GPR179: variants seen among roughly 807,000 people sequenced by gnomAD.
GPR179 encodes G protein-coupled receptor 179, also known as probable G protein-coupled receptor 179.
GPR179 carries 52 observed loss-of-function variants against 70.8 expected under a neutral mutation model. The observed-to-expected ratio is 0.73, with a 90% CI of 0.59 to 0.93. GPR179 has a LOEUF of 0.93. GPR179 is among the 40% of genes least tolerant of loss of function. The pLI is 0.00. For missense variants in GPR179, 2,734 were observed against 2,966.8 expected (o/e 0.92, Z 1.82); for synonymous variants, 1,123 against 1,169.0 (o/e 0.96, Z 0.80).
rs1242414871 is a variant in GPR179, at chr17:38,327,162, C to T, written c.6407G>A (p.Gly2136Asp). The T allele has an allele frequency of 5.0e-6, 8 of 1,614,262 alleles. No homozygotes were observed. Among genetic ancestry groups the T allele is most frequent in the South Asian group, 1.1e-5 (1 of 91,088 alleles). Residue 2136 changes from glycine (G) to aspartate (D), a missense_variant, in exon 11 of 11, where the codon GGT becomes GAT. Coordinates refer to ENST00000616987, the MANE Select transcript of GPR179 (RefSeq NM_001004334.4). The part of the protein sequence containing the change: ...KKAEICPWEA[G>D]GGAAEEGEQE... ...TTCCCCTTCCTCTGCTGCTCCTCCA[C>T]CCGCCTCCCAAGGGCAGATCTCTGC... is the stretch of plus-strand genomic sequence containing the variant.
Position 38,327,194 on chromosome 17 carries a change from G to T in GPR179, c.6375C>A (p.Ala2125=). The part of the protein sequence containing the change: ...CLWEVVEAPS[A]KKAEICPWEA... Reference sequence around the variant, plus strand: ...CCCAAGGGCAGATCTCTGCTTTCTTGGCAGAGGGAGCCTCTACCACTTCCC... The same window carrying T: ...CCCAAGGGCAGATCTCTGCTTTCTTTGCAGAGGGAGCCTCTACCACTTCCC... The change falls in exon 11 of 11, where the codon GCC becomes GCA. Residue 2125 remains alanine (A), a synonymous_variant. Transcript: ENST00000616987. The T allele has an allele frequency of 4.3e-6, 7 of 1,614,156 alleles. No individual in the cohort carries two copies. The highest frequency in any genetic ancestry group is 5.9e-6 in the Non-Finnish European group (7 of 1,180,032).
chr17:38,329,496 A>G lies in GPR179; in HGVS notation c.4073T>C (p.Val1358Ala), dbSNP rs752363198. The G allele has an allele frequency of 1.2e-6, 2 of 1,613,362 alleles. No individual in the cohort carries two copies. The highest frequency in any genetic ancestry group is 1.3e-5 in the African/African-American group (1 of 74,712). ...AGCAGCTTCCCACCCAGGCTTCTCC[A>G]CCTTCCTGGCCTCCACACTGTCCCC... Reference protein sequence around the residue: ...EAGDSVEARKVEKPGWEAAGP... With the variant: ...EAGDSVEARKAEKPGWEAAGP... The change falls in exon 11 of 11, where the codon GTG becomes GCG. Residue 1358 changes from valine to alanine, a missense_variant. By Grantham distance (64) the Val-to-Ala change is moderately conservative (BLOSUM62 0). Coordinates refer to ENST00000616987, the MANE Select transcript of GPR179 (RefSeq NM_001004334.4).
rs189103061 is a variant in GPR179, at chr17:38,331,311, C to T, written c.2258G>A (p.Arg753Gln). 29 of 1,603,384 alleles carry T rather than the reference C, an allele frequency of 1.8e-5. No homozygotes were observed. The highest frequency in any genetic ancestry group is 4.5e-5 in the East Asian group (2 of 44,510). ...TTCCTGGAGGCTGGAGCTGAGGAGC[C>T]GGCGGCGGGAGGAGCCGGGCAGGCT... Reference protein sequence around the residue: ...HGSLPGSSRRRLLSSSLQEPE... With the variant: ...HGSLPGSSRRQLLSSSLQEPE... Residue 753 changes from arginine (R) to glutamine (Q), a missense_variant, in exon 11 of 11, where the codon CGG (arginine) becomes CAG (glutamine). Physicochemically the swap from Arg to Gln is conservative, Grantham distance 43 (BLOSUM62 1). Coordinates refer to ENST00000616987, the MANE Select transcript of GPR179 (RefSeq NM_001004334.4).
In GPR179 at chr17:38,343,074, C is replaced by T; in HGVS notation, c.716G>A (p.Gly239Glu). The change falls in exon 1 of 11, where the codon GGA becomes GAA. Residue 239 changes from glycine (G) to glutamate (E), a missense_variant. Transcript: ENST00000616987. The surrounding 1 kb of genome is among the most constrained non-coding windows in gnomAD (Gnocchi z 4.2). Reference sequence around the variant, plus strand: ...GATCAGCCATCCAGGTCGGAGCCGTCCCTCCTGGCATTCCAGGAAAGGAGG... The same window carrying T: ...GATCAGCCATCCAGGTCGGAGCCGTTCCTCCTGGCATTCCAGGAAAGGAGG... ...LSPPFLECQE[G>E]RLRPGWLITL... 6.2e-7 allele frequency: 1 copy of T among 1,614,184 alleles called. No homozygotes were observed. Among genetic ancestry groups the T allele is most frequent in the Non-Finnish European group, 8.5e-7 (1 of 1,180,002 alleles).
intron 1 of GPR179, among the ~76,000 whole-genome samples, chr17:38,342,256 C>T (rs898021814): frequency 1.3e-5 from 2 of 152,128 alleles, no homozygotes; most frequent in Non-Finnish European, 2.9e-5. Context: ...CTGTCATCCA[C>T]ACCAAGACCT....
rs895771748 is a variant in GPR179, at chr17:38,334,553, G to A, written c.1784+151C>T. On this transcript the variant is annotated intron_variant, in intron 8 of 10. Transcript: ENST00000616987. The surrounding 1 kb of genome is among the most constrained non-coding windows in gnomAD (Gnocchi z 4.7). ...GGAGTACAGAAGGGGCATCTGGGGG[G>A]TAGGGAGAGAGCCAGAAGTGGGGGC... 13 of 727,144 alleles carry A rather than the reference G, an allele frequency of 1.8e-5. No homozygotes were observed. The highest frequency in any genetic ancestry group is 3.8e-4 in the Middle Eastern group (1 of 2,650). 45.0% of individuals were successfully genotyped at this position (727,144 alleles called of 1,614,324 possible). A position where few individuals can be genotyped will look rare whatever the true frequency, so the allele number is the denominator to read the frequency against.
chr17:38,330,669 G>A lies in GPR179; in HGVS notation c.2900C>T (p.Ala967Val). The A allele has an allele frequency of 6.2e-7, 1 of 1,600,590 alleles. No homozygotes were observed. Among genetic ancestry groups the A allele is most frequent in the South Asian group, 1.1e-5 (1 of 89,194 alleles). Residue 967 changes from alanine to valine, a missense_variant, in exon 11 of 11, where the codon GCT becomes GTT. Ala to Val is a moderately conservative substitution (Grantham distance 64). Transcript: ENST00000616987. ...GGCAGGGGCTGGGGTTGGAGCTAGA[G>A]CTGGCAGCAGAGCTGGAGCCAAGGT... ...TSTLAPALLPALAPTPAPALA... is the reference protein window; with the variant it reads ...TSTLAPALLPVLAPTPAPALA...
chr17:38,327,431 G>C lies in GPR179; in HGVS notation c.6138C>G (p.Gly2046=), dbSNP rs1597661273. The C allele has an allele frequency of 3.1e-6, 5 of 1,614,060 alleles. No homozygotes were observed. Among genetic ancestry groups the C allele is most frequent in the Non-Finnish European group, 4.2e-6 (5 of 1,180,036 alleles). Residue 2046 remains glycine, a synonymous_variant, in exon 11 of 11, where the codon GGC becomes GGG. Transcript: ENST00000616987. ...TTGGCTCTGATTTTTCTGGGGCTCTGCCTTTCTCTTCTTGAGAGTCCCCTT... is the reference window on the plus strand; with the variant it reads ...TTGGCTCTGATTTTTCTGGGGCTCTCCCTTTCTCTTCTTGAGAGTCCCCTT... ...DGKGDSQEEK[G]RAPEKSEPKG...
Position 38,330,423 on chromosome 17 carries a change from G to C in GPR179, c.3146C>G (p.Ala1049Gly). 6.3e-7 allele frequency: 1 copy of C among 1,597,668 alleles called. No homozygotes were observed. Among genetic ancestry groups the C allele is most frequent in the Non-Finnish European group, 8.5e-7 (1 of 1,170,048 alleles). ...KSRAGENEMD[A>G]EDAHHQREAN... The stretch of plus-strand genomic sequence containing the variant: ...TTCCCTCTGGTGATGTGCATCCTCT[G>C]CGTCCATCTCATTCTCCCCAGCCCT... The change falls in exon 11 of 11, where the codon GCA (alanine) becomes GGA (glycine). Residue 1049 changes from alanine to glycine, a missense_variant. Ala to Gly is a moderately conservative substitution (Grantham distance 60). Transcript: ENST00000616987.
Position 38,330,624 on chromosome 17 carries a change from G to T in GPR179, c.2945C>A (p.Ser982Tyr). 1 of 1,582,234 alleles carries T rather than the reference G, an allele frequency of 6.3e-7. No homozygotes were observed. The highest frequency in any genetic ancestry group is 8.6e-7 in the Non-Finnish European group (1 of 1,164,568). ...GGTGAGTAAGTTGGGGCTTTGTGGG[G>T]ATACTGGGACTGGTGCCAGGGCAGG... is the stretch of plus-strand genomic sequence containing the variant. Reference protein sequence around the residue: ...PAPALAPVPVSPQSPNLLTYI... With the variant: ...PAPALAPVPVYPQSPNLLTYI... Residue 982 changes from serine (S) to tyrosine (Y), a missense_variant, in exon 11 of 11, where the codon TCC becomes TAC. Ser to Tyr is a moderately radical substitution (Grantham distance 144). Transcript: ENST00000616987.
rs1231986529 is a variant in GPR179, at chr17:38,335,213, G to A, written c.1465C>T (p.Arg489Trp). Residue 489 changes from arginine (R) to tryptophan (W), a missense_variant, in exon 7 of 11, where the codon CGG becomes TGG. Coordinates refer to ENST00000616987, the MANE Select transcript of GPR179 (RefSeq NM_001004334.4). Reference protein sequence around the residue: ...AQRSALLSSGRLLRHLGLLLL... With the variant: ...AQRSALLSSGWLLRHLGLLLL... ...AGCAGCCCCAGGTGCCGCAGCAGCC[G>A]CCCGCTGCTCAGAAGGGCACTCCGC... 6 of 1,555,142 alleles carry A rather than the reference G, an allele frequency of 3.9e-6. No individual in the cohort carries two copies. Among genetic ancestry groups the A allele is most frequent in the East Asian group, 2.4e-5 (1 of 41,302 alleles).
At chr17:38,339,219 G>T in intron 2 of GPR179, 198 bp downstream of exon 2, 2 of 531,598 alleles carry the variant, frequency 3.8e-6, no homozygotes, top group Non-Finnish European at 6.6e-6. Flanking sequence ...GGAATAGGGG[G>T]TGGGGGGGCA....
intron 3 of GPR179, 81 bp from the exon 4 acceptor site, chr17:38,337,294 A>ACAGC: frequency 6.7e-7 from 1 of 1,484,628 alleles, no homozygotes. Flanking sequence ...GATAGTCACC[A>ACAGC]CAGCCCTCTC....
In GPR179 at chr17:38,330,262, C is replaced by T; in HGVS notation, c.3307G>A (p.Glu1103Lys). ...GGACTCTCCTCCACACTCTCCTTCT[C>T]TCTGTAGGTGCTCCGAGAACGGGTC... is the stretch of plus-strand genomic sequence containing the variant. ...ALTRSRSTYR[E>K]KESVEESPEG... Residue 1103 changes from glutamate (E) to lysine (K), a missense_variant, in exon 11 of 11, where the codon GAG (glutamate) becomes AAG (lysine). Transcript: ENST00000616987. 1 of 1,599,328 alleles carries T rather than the reference C, an allele frequency of 6.3e-7. No homozygotes were observed. Among genetic ancestry groups the T allele is most frequent in the African/African-American group, 1.3e-5 (1 of 74,650 alleles).
chr17:38,327,878 G>A lies in GPR179; in HGVS notation c.5691C>T (p.Ser1897=), dbSNP rs780525213. 16 of 1,614,044 alleles carry A rather than the reference G, an allele frequency of 9.9e-6. No homozygotes were observed. The highest frequency in any genetic ancestry group is 1.4e-5 in the Non-Finnish European group (16 of 1,180,028). ...QAPKISDLPS[S]MSSEVAEGHS... is the part of the protein sequence containing the mutation. ...GTCCCTCTGCCACTTCACTACTCATGCTGCTGGGCAAGTCTGAGATCTTGG... is the reference window on the plus strand; with the variant it reads ...GTCCCTCTGCCACTTCACTACTCATACTGCTGGGCAAGTCTGAGATCTTGG... Residue 1897 remains serine, a synonymous_variant, in exon 11 of 11, where the codon AGC becomes AGT. Coordinates refer to ENST00000616987, the MANE Select transcript of GPR179 (RefSeq NM_001004334.4).
At chr17:38,336,226 A>G in intron 4 of GPR179, 82 bp from the exon 5 acceptor site, 3 of 930,422 alleles carry the variant, frequency 3.2e-6, no homozygotes, top group Middle Eastern at 2.1e-4. Context: ...ACGGTCACTC[A>G]GTGACCCTGA....
In GPR179 at chr17:38,333,407, G is replaced by A. The variant is rs2037376513; in HGVS notation, c.1891-10C>T. On this transcript the variant is annotated splice_polypyrimidine_tract_variant and intron_variant, in intron 9 of 10. Transcript: ENST00000616987. ...CCCCCAGCTTCCAGAACTGGCAGGG[G>A]TGCATAAGAGTGGGAAAAAGACTCG... 1 of 1,612,546 alleles carries A rather than the reference G, an allele frequency of 6.2e-7. No individual in the cohort carries two copies.
rs79857051 is a variant in GPR179 at position 38,333,618 on chromosome 17, G to C, written c.1891-221C>G. Reference sequence around the variant, plus strand: ...TAAGCCCCTGACCCTGCAATTCCTAGCCGGGTCCTTCAGCTCTCCCACCTC... The same window carrying C: ...TAAGCCCCTGACCCTGCAATTCCTACCCGGGTCCTTCAGCTCTCCCACCTC... On this transcript the variant is annotated intron_variant, in intron 9 of 10. Coordinates refer to ENST00000616987, the MANE Select transcript of GPR179 (RefSeq NM_001004334.4). Among the ~76,000 whole-genome samples the C allele has an allele frequency of 0.024, 3,582 of 152,254 alleles. 127 individuals carry two copies. Among genetic ancestry groups the C allele is most frequent in the African/African-American group, 0.082 (3,391 of 41,550 alleles).
Position 38,326,655 on chromosome 17 carries a change from G to A in GPR179, c.6914C>T (p.Thr2305Ile). 6.2e-7 allele frequency: 1 copy of A among 1,614,226 alleles called. No homozygotes were observed. The highest frequency in any genetic ancestry group is 1.6e-4 in the Middle Eastern group (1 of 6,062). ...TTGTAGTTCTCTGACACCTTCTAGA[G>A]TGAAAGTACTGGCTGGCCTGCTTAC... ...PKVSRPASTFTLEGVRELQGP... is the reference protein window; with the variant it reads ...PKVSRPASTFILEGVRELQGP... Residue 2305 changes from threonine to isoleucine, a missense_variant, in exon 11 of 11, where the codon ACT becomes ATT. Thr to Ile is a moderately conservative substitution (Grantham distance 89). Transcript: ENST00000616987.
Sources: gnomAD v4.1 joint callset for allele counts (sites outside exome capture counted in the v4.1 genomes callset) on GRCh38, gnomAD v4.1.1 for gene constraint, Gnocchi (gnomAD v3.1) non-coding constraint, MANE v1.5 for transcripts, NCBI Gene and HGNC (gene_info 2026-07-23, HGNC 2026-07-21) for gene names.